Variants in PRKN observed in about 807,000 individuals in gnomAD.
The protein encoded by PRKN is parkin RBR E3 ubiquitin protein ligase.
A neutral mutation model predicts 59.5 loss-of-function variants in PRKN; 56 were observed. The ratio of observed to expected loss-of-function variants is 0.94; its 90% CI spans 0.76 to 1.18. The LOEUF (loss-of-function observed/expected upper bound fraction) is 1.18, where lower values mean the gene tolerates loss of function less well. Among genes scored for constraint, PRKN ranks in the 50% most tolerant of loss-of-function variants. The pLI is 0.00. For missense variants in PRKN, 657 were observed against 596.4 expected (o/e 1.10, Z -1.06); for synonymous variants, 250 against 222.1 (o/e 1.13, Z -1.12).
intron 6 of PRKN, among the ~76,000 whole-genome samples, chr6:161,824,085 G>C (rs982818781): frequency 4.6e-5 from 7 of 152,158 alleles, no homozygotes; most frequent in African/African-American, 1.7e-4. Context: ...CATACTCCCA[G>C]GTGTTTCAGT....
At position 161,544,820 on chromosome 6, in the gene PRKN, G is replaced by A. The variant is rs2115417501; in HGVS notation, c.1083+4034C>T. ...TGCTCCTCGGGGAACAGATAAGCCT[G>A]TGACACAGTGGAGCAAAGTGTCTGG... On this transcript the variant is annotated intron_variant, in intron 9 of 11. Coordinates refer to ENST00000366898, the MANE Select transcript of PRKN (RefSeq NM_004562.3). The surrounding 1 kb of genome is among the most constrained non-coding windows in gnomAD (Gnocchi z 5.5). Among the ~76,000 whole-genome samples the A allele has an allele frequency of 6.6e-6, 1 of 152,300 alleles. No homozygotes were observed. The highest frequency in any genetic ancestry group is 6.5e-5 in the Admixed American group (1 of 15,292).
At chr6:161,515,939 AT>A (rs1230241056) in intron 9 of PRKN, among the ~76,000 whole-genome samples, 1 of 152,076 alleles carries the variant, frequency 6.6e-6, no homozygotes, top group South Asian at 2.1e-4. Context: ...AAAGGAGAAA[AT>A]TTTTTTTCCT....
rs370551066 is a variant in PRKN at position 162,385,937 on chromosome 6, A to G, written c.171+57373T>C. The stretch of plus-strand genomic sequence containing the variant: ...AAATTTCATCTATGTCAAAATAAGT[A>G]AAATAGGTCCTCTTGTCCTATTGAG... On this transcript the variant is annotated intron_variant, in intron 2 of 11. Coordinates refer to ENST00000366898, the MANE Select transcript of PRKN (RefSeq NM_004562.3). Among the ~76,000 whole-genome samples, 20 of 152,308 alleles carry G rather than the reference A, an allele frequency of 1.3e-4. No individual in the cohort carries two copies. In the East Asian group the frequency reaches 2.1e-3, roughly 16 times the overall value.
At chr6:162,394,365 G>A (rs1448369636) in intron 2 of PRKN, among the ~76,000 whole-genome samples, 2 of 152,098 alleles carry the variant, frequency 1.3e-5, no homozygotes, top group African/African-American at 4.8e-5. Flanking sequence ...ACAGAAATAT[G>A]TATGACTCTA....
chr6:161,698,870 T>C (rs1204294769), intron 7 of PRKN, among the ~76,000 whole-genome samples: 1 of 152,008 alleles, frequency 6.6e-6, no homozygotes, highest in Admixed American at 6.6e-5. Context: ...AAAAGCATGA[T>C]CCATAAAAGA....
At chr6:162,021,718 G>C (rs893885930) in intron 5 of PRKN, among the ~76,000 whole-genome samples, 5 of 151,974 alleles carry the variant, frequency 3.3e-5, no homozygotes, top group Non-Finnish European at 7.4e-5. Flanking sequence ...TTTAAATCCA[G>C]GTGGTACATG....
chr6:162,427,737 G>C (rs1422413184), intron 2 of PRKN, among the ~76,000 whole-genome samples: 2 of 150,510 alleles, frequency 1.3e-5, no homozygotes, highest in African/African-American at 4.9e-5. Flanking sequence ...GCTCCACTTC[G>C]CGGGTTCACA....
In PRKN at chr6:162,688,816, C is replaced by T. The variant is rs556586446; in HGVS notation, c.7+38846G>A. Among the ~76,000 whole-genome samples the T allele has an allele frequency of 1.0e-3, 154 of 152,238 alleles. 4 individuals are homozygous for T. The highest frequency in any genetic ancestry group is 9.9e-3 in the Admixed American group (152 of 15,282). On this transcript the variant is annotated intron_variant, in intron 1 of 11. Coordinates refer to ENST00000366898, the MANE Select transcript of PRKN (RefSeq NM_004562.3). ...CTTGAAAAGGATCAAGTTCTATAAA[C>T]AGGACTAAATGATTATGGAGCAGGC... is the stretch of plus-strand genomic sequence containing the variant.
At chr6:162,214,156 G>A (rs1777533931) in intron 3 of PRKN, among the ~76,000 whole-genome samples, 1 of 152,134 alleles carries the variant, frequency 6.6e-6, no homozygotes, top group South Asian at 2.1e-4. Flanking sequence ...GACCTTCAAA[G>A]GGGAACAGAT....
chr6:162,445,642 T>C (rs548904936), intron 1 of PRKN, among the ~76,000 whole-genome samples: 28 of 131,688 alleles, frequency 2.1e-4, no homozygotes, highest in Non-Finnish European at 4.0e-4. Flanking sequence ...CAGTGAGCTA[T>C]GGTTGTGCCA....
intron 1 of PRKN, among the ~76,000 whole-genome samples, chr6:162,658,686 AAAAAAG>A (rs1305049893): frequency 3.3e-4 from 34 of 103,500 alleles, no homozygotes; most frequent in Middle Eastern, 5.2e-3. Flanking sequence ...AAAAAAAAAG[AAAAAAG>A]AAAAAGAAAA....
chr6:161,723,900 C>T (rs1354176662), intron 7 of PRKN, among the ~76,000 whole-genome samples: 4 of 152,160 alleles, frequency 2.6e-5, no homozygotes, highest in African/African-American at 7.2e-5. Context: ...AGACAGAGAA[C>T]AGTAGGGGGC....
chr6:162,144,546 C>T (rs1284881405), intron 4 of PRKN, among the ~76,000 whole-genome samples: 1 of 152,148 alleles, frequency 6.6e-6, no homozygotes, highest in Non-Finnish European at 1.5e-5. Context: ...TGGGAGCTGG[C>T]TTCCCTACAA....
chr6:161,652,343 G>C (rs1784179916), intron 7 of PRKN, among the ~76,000 whole-genome samples: 1 of 131,188 alleles, frequency 7.6e-6, no homozygotes, highest in Non-Finnish European at 1.6e-5. Flanking sequence ...AGCCTCACAG[G>C]GTACCTGGAA....
chr6:161,511,552 A>G (rs1193916321), intron 9 of PRKN, among the ~76,000 whole-genome samples: 1 of 152,180 alleles, frequency 6.6e-6, no homozygotes, highest in Non-Finnish European at 1.5e-5. Flanking sequence ...CATATCTGAC[A>G]CCGTTATTTC....
Position 162,611,943 on chromosome 6 carries a change from T to C in PRKN, c.7+115719A>G, listed in dbSNP as rs189934098. Among the ~76,000 whole-genome samples the C allele has an allele frequency of 1.1e-3, 163 of 151,596 alleles. 1 individual carries two copies. The highest frequency in any genetic ancestry group is 3.7e-3 in the African/African-American group (154 of 41,322). On this transcript the variant is annotated intron_variant, in intron 1 of 11. Transcript: ENST00000366898. ...GCTCACGCCTGTAATCCCAGCACTTTGGGAGGCCAAGGCGGGCGTATCATA... is the reference window on the plus strand; with the variant it reads ...GCTCACGCCTGTAATCCCAGCACTTCGGGAGGCCAAGGCGGGCGTATCATA...
At chr6:161,580,671 AT>A (rs1169185630) in intron 7 of PRKN, among the ~76,000 whole-genome samples, 2 of 151,500 alleles carry the variant, frequency 1.3e-5, no homozygotes, top group Non-Finnish European at 2.9e-5. Context: ...TAAAGATGGG[AT>A]TTCACCGTGT....
intron 3 of PRKN, among the ~76,000 whole-genome samples, chr6:162,212,577 C>T (rs1785251126): frequency 6.6e-6 from 1 of 152,144 alleles, no homozygotes; most frequent in South Asian, 2.1e-4. Flanking sequence ...CACAGGCCGG[C>T]ATGTATTCTT....
rs865930637 is a variant in PRKN at position 161,552,240 on chromosome 6, G to A, written c.934-3237C>T. 6.6e-6 allele frequency among the ~76,000 whole-genome samples: 1 copy of A among 152,002 alleles called. No individual in the cohort carries two copies. Among genetic ancestry groups the A allele is most frequent in the Admixed American group, 6.5e-5 (1 of 15,270 alleles). ...TTTTGCCGGAATTGTAAAAGGAAGC[G>A]GGACATCTCTCGATCACCTCTGCCT... On this transcript the variant is annotated intron_variant, in intron 8 of 11. Transcript: ENST00000366898. This position sits in a 1 kb window ranked among gnomAD's most constrained non-coding sequence, Gnocchi z 4.9.
Sources: gnomAD v4.1 joint callset for allele counts (sites outside exome capture counted in the v4.1 genomes callset) on GRCh38, gnomAD v4.1.1 for gene constraint, Gnocchi (gnomAD v3.1) non-coding constraint, MANE v1.5 for transcripts, NCBI Gene and HGNC (gene_info 2026-07-23, HGNC 2026-07-21) for gene names.